The following NBEA variants were observed in gnomAD, a reference collection of about 807,000 sequenced individuals.
NBEA encodes the protein lysosomal-trafficking regulator 2.
In NBEA, 44 loss-of-function variants were observed where a neutral mutation model predicts 343.4. That is an observed-to-expected ratio of 0.13 (90% CI 0.10 to 0.16). NBEA has a LOEUF of 0.16. NBEA is among the 10% of genes least tolerant of loss of function. The pLI is 1.00. For synonymous variants in NBEA, 1,175 were observed against 1,238.7 expected, an observed-to-expected ratio of 0.95 and a Z score of 1.08; for missense variants, 2,555 against 3,631.3, an observed-to-expected ratio of 0.70 and a Z score of 7.62.
intron 10 of NBEA, among the ~76,000 whole-genome samples, chr13:35,084,706 A>G (rs1274547076): frequency 6.6e-6 from 1 of 152,170 alleles, no homozygotes; most frequent in Non-Finnish European, 1.5e-5. Context: ...TTCAAAAGCT[A>G]GCAGAAGGCA....
intron 17 of NBEA, among the ~76,000 whole-genome samples, chr13:35,132,663 C>G (rs1195569006): frequency 6.6e-6 from 1 of 152,152 alleles, no homozygotes; most frequent in Non-Finnish European, 1.5e-5. Context: ...AAACTATATA[C>G]TATATGCTTC....
intron 1 of NBEA, among the ~76,000 whole-genome samples, chr13:34,974,940 T>C (rs969448664): frequency 2.0e-5 from 3 of 152,124 alleles, no homozygotes; most frequent in African/African-American, 7.2e-5. Context: ...GGAGAAAAAA[T>C]AGAACACTAG....
intron 38 of NBEA, among the ~76,000 whole-genome samples, chr13:35,389,970 A>AGAGTGTGTGTGTGT (rs1555249983): frequency 1.4e-5 from 2 of 137,962 alleles, no homozygotes; most frequent in Non-Finnish European, 3.1e-5. Flanking sequence ...TCTTTTGTAG[A>AGAGTGTGTGTGTGT]GTGTGTGTGT....
chr13:35,161,927 T>A lies in NBEA; in HGVS notation c.4039T>A (p.Leu1347Ile). Reference protein sequence around the residue: ...SPMHQRLLTDLLFALETDVHV... With the variant: ...SPMHQRLLTDILFALETDVHV... ...AATGCACCAGCGGCTTCTCACTGAT[T>A]TACTATTTGCATTAGAAACTGATGT... The change falls in exon 23 of 59, where the codon TTA becomes ATA. Residue 1347 changes from leucine to isoleucine, a missense_variant. By Grantham distance (5) the Leu-to-Ile change is conservative. This residue lies in a region of NBEA where 69 missense variants were observed against 128.8 expected (regional missense o/e 0.54). Transcript: ENST00000379939. 1 of 1,558,406 alleles carries A rather than the reference T, an allele frequency of 6.4e-7. No homozygotes were observed.
intron 40 of NBEA, among the ~76,000 whole-genome samples, chr13:35,463,047 C>T (rs762230539): frequency 1.3e-5 from 2 of 152,092 alleles, no homozygotes; most frequent in African/African-American, 2.4e-5. Context: ...CCAGTGAGAT[C>T]ACCTAAGGAA....
intron 1 of NBEA, among the ~76,000 whole-genome samples, chr13:34,953,265 A>G (rs2152485064): frequency 6.6e-6 from 1 of 152,324 alleles, no homozygotes. Context: ...ATAAAATGTC[A>G]TAGAATTATT....
intron 36 of NBEA, among the ~76,000 whole-genome samples, chr13:35,317,515 G>A (rs2037824271): frequency 6.6e-6 from 1 of 152,138 alleles, no homozygotes; most frequent in South Asian, 2.1e-4. Context: ...TAGCCTTGTA[G>A]TATAGTTTGA....
intron 41 of NBEA, among the ~76,000 whole-genome samples, chr13:35,547,812 A>G (rs2079128556): frequency 6.6e-6 from 1 of 152,056 alleles, no homozygotes; most frequent in Non-Finnish European, 1.5e-5. Flanking sequence ...TCGCTTGAAC[A>G]CAGGAGGTGG....
intron 45 of NBEA, among the ~76,000 whole-genome samples, chr13:35,581,296 T>C (rs577973601): frequency 1.6e-4 from 25 of 152,142 alleles, no homozygotes; most frequent in Middle Eastern, 3.4e-3. Flanking sequence ...GTTTCCTGAC[T>C]TTTTAATGAT....
At chr13:35,473,803 G>A (rs2075752862) in intron 41 of NBEA, among the ~76,000 whole-genome samples, 1 of 152,066 alleles carries the variant, frequency 6.6e-6, no homozygotes, top group East Asian at 1.9e-4. Context: ...GGTCAGAAAG[G>A]ATCGTTTTAT....
intron 38 of NBEA, among the ~76,000 whole-genome samples, chr13:35,430,632 GC>G (rs1023574762): frequency 6.6e-6 from 1 of 152,062 alleles, no homozygotes; most frequent in African/African-American, 2.4e-5. Context: ...GAACTGTTCA[GC>G]TGCCCTTACA....
chr13:35,430,697 T>C (rs1215189251), intron 38 of NBEA, among the ~76,000 whole-genome samples: 2 of 152,188 alleles, frequency 1.3e-5, no homozygotes, highest in Non-Finnish European at 2.9e-5. Context: ...ACATTAGCTC[T>C]CTGACCACTT....
chr13:35,534,468 TC>T (rs1229687366), intron 41 of NBEA, among the ~76,000 whole-genome samples: 2 of 152,150 alleles, frequency 1.3e-5, no homozygotes, highest in Non-Finnish European at 2.9e-5. Flanking sequence ...ATAACCACCT[TC>T]CTCCAGTGCT....
intron 41 of NBEA, chr13:35,475,479 G>A (rs756034708): frequency 1.2e-6 from 2 of 1,612,186 alleles, no homozygotes; most frequent in East Asian, 4.5e-5. Context: ...AGCTCTGCTT[G>A]CCGGCCAAGG....
At chr13:35,639,358 T>C (rs938686508) in intron 49 of NBEA, among the ~76,000 whole-genome samples, 8 of 152,188 alleles carry the variant, frequency 5.3e-5, no homozygotes, top group Non-Finnish European at 7.4e-5. Flanking sequence ...ATGATCTTGT[T>C]TTATTACAAC....
chr13:35,353,525 T>G (rs2152866641), intron 38 of NBEA, among the ~76,000 whole-genome samples: 1 of 152,076 alleles, frequency 6.6e-6, no homozygotes, highest in South Asian at 2.1e-4. Context: ...GTAAGATAGG[T>G]TTTTTAAAAC....
At chr13:35,242,472 A>T (rs2152779339) in intron 34 of NBEA, among the ~76,000 whole-genome samples, 1 of 151,968 alleles carries the variant, frequency 6.6e-6, no homozygotes, top group African/African-American at 2.4e-5. Context: ...AAGAAAGAGA[A>T]AAGGGCAGAG....
At chr13:35,475,963 A>G (rs770384860) in intron 41 of NBEA, 7 of 1,614,170 alleles carry the variant, frequency 4.3e-6, no homozygotes, top group Admixed American at 1.7e-5. Context: ...GCGATTGTCC[A>G]TCTCGTTGAG....
intron 1 of NBEA, among the ~76,000 whole-genome samples, chr13:35,021,402 G>A (rs112545107): frequency 7.9e-5 from 12 of 152,108 alleles, no homozygotes; most frequent in African/African-American, 1.9e-4. Flanking sequence ...GCTATATTTC[G>A]TACATTCTTG....
Sources: gnomAD v4.1 joint callset for allele counts (sites outside exome capture counted in the v4.1 genomes callset) on GRCh38, gnomAD v4.1.1 for gene constraint, gnomAD v4.1.1 regional missense constraint, MANE v1.5 for transcripts, NCBI Gene and HGNC (gene_info 2026-07-23, HGNC 2026-07-21) for gene names.